Variants in HMCN1 observed in about 807,000 individuals in gnomAD.
HMCN1 encodes hemicentin-1.
Under a neutral mutation model 625.9 loss-of-function variants are expected in HMCN1, and 321 were observed. The observed-to-expected ratio is 0.51, with a 90% confidence interval of 0.47 to 0.56. The LOEUF is 0.56. HMCN1 is among the 20% of genes least tolerant of loss of function. The pLI is 0.00. For synonymous variants in HMCN1, 2,425 were observed against 2,417.6 expected (o/e 1.00, Z -0.09); for missense variants, 6,588 against 6,887.3 (o/e 0.96, Z 1.54).
intron 50 of HMCN1, 66 bp from the exon 51 acceptor site, chr1:186,069,597 A>G: frequency 1.0e-6 from 1 of 954,522 alleles, no homozygotes; most frequent in Admixed American, 1.9e-5. Context: ...TAAACCCCTG[A>G]TAGCCTGTGT....
intron 73 of HMCN1, 66 bp from the exon 74 acceptor site, chr1:186,114,753 T>C (rs1417572008): frequency 1.3e-6 from 2 of 1,577,070 alleles, no homozygotes; most frequent in Non-Finnish European, 1.7e-6. Context: ...AACATTTCCC[T>C]CAGTCAAAAT....
chr1:186,054,178 C>T (rs977007054), intron 44 of HMCN1, among the ~76,000 whole-genome samples, 192 bp downstream of exon 44: 1 of 151,964 alleles, frequency 6.6e-6, no homozygotes, highest in African/African-American at 2.4e-5. Flanking sequence ...TTCGGCATTA[C>T]AGCTGTCCAC....
At chr1:185,965,509 ACT>A (rs780709146) in intron 13 of HMCN1, among the ~76,000 whole-genome samples, 33 of 151,346 alleles carry the variant, frequency 2.2e-4, no homozygotes, top group Non-Finnish European at 3.7e-4. Flanking sequence ...TCCTTGTATA[ACT>A]CTTTTTCATA....
chr1:185,994,721 C>T lies in HMCN1; in HGVS notation c.3506-94C>T, dbSNP rs74134270. On this transcript the variant is annotated intron_variant, in intron 23 of 106. Transcript: ENST00000271588. ...AAATTCTGAAATTATTTCACTTTTC[C>T]ATGGCTGCCTGTTGATAAGGAGCTC... 4.7e-3 allele frequency: 5,926 copies of T among 1,254,298 alleles called. 182 individuals are homozygous for T. The African/African-American group carries it at 0.076, about 16-fold the overall frequency. 77.7% of individuals were successfully genotyped at this position (1,254,298 alleles called of 1,614,324 possible).
At chr1:185,951,135 TGTGGGTTAAG>T (rs1463735566) in intron 11 of HMCN1, among the ~76,000 whole-genome samples, 7 of 151,296 alleles carry the variant, frequency 4.6e-5, no homozygotes, top group African/African-American at 1.7e-4. Flanking sequence ...ATCTTATACT[TGTGGGTTAAG>T]GTGGGGGGAT....
chr1:185,888,692 T>G (rs1351859750), intron 4 of HMCN1, among the ~76,000 whole-genome samples: 1 of 147,440 alleles, frequency 6.8e-6, no homozygotes, highest in Non-Finnish European at 1.5e-5. Flanking sequence ...ACCAGTACCA[T>G]GCTGTTTTGG....
intron 80 of HMCN1, among the ~76,000 whole-genome samples, chr1:186,120,668 G>A (rs1452064563): frequency 6.6e-6 from 1 of 152,190 alleles, no homozygotes; most frequent in Non-Finnish European, 1.5e-5. Flanking sequence ...TAGATTTCAA[G>A]CTACTAAATT....
intron 4 of HMCN1, among the ~76,000 whole-genome samples, chr1:185,869,370 A>T (rs1663465058): frequency 1.3e-5 from 2 of 152,190 alleles, no homozygotes; most frequent in Admixed American, 1.3e-4. Context: ...TAATGCACTT[A>T]AATGTTCCAC....
At chr1:185,735,706 A>G (rs1043995828) in intron 1 of HMCN1, among the ~76,000 whole-genome samples, 1 of 152,254 alleles carries the variant, frequency 6.6e-6, no homozygotes, top group African/African-American at 2.4e-5. Flanking sequence ...TTTTAAAGGT[A>G]GTTGAAGTGA....
chr1:186,037,188 T>C (rs1229044579), intron 36 of HMCN1, among the ~76,000 whole-genome samples: 1 of 152,084 alleles, frequency 6.6e-6, no homozygotes, highest in Admixed American at 6.6e-5. Context: ...AGATACTAAT[T>C]TACAACATCT....
At chr1:186,061,799 A>T (rs1464187484) in intron 46 of HMCN1, 52 bp from the exon 47 acceptor site, 1 of 1,296,816 alleles carries the variant, frequency 7.7e-7, no homozygotes, top group African/African-American at 1.5e-5. Flanking sequence ...ATGGCTTATA[A>T]AGTTTCATTT....
intron 4 of HMCN1, among the ~76,000 whole-genome samples, chr1:185,901,337 T>C (rs1665794639): frequency 6.6e-6 from 1 of 151,742 alleles, no homozygotes; most frequent in South Asian, 2.1e-4. Flanking sequence ...TTTCCTTCTT[T>C]TTTCTTTCTT....
At position 186,000,126 on chromosome 1, in the gene HMCN1, A is replaced by T; in HGVS notation, c.3956A>T (p.Asp1319Val). 6.2e-7 allele frequency: 1 copy of T among 1,613,118 alleles called. No individual in the cohort carries two copies. The highest frequency in any genetic ancestry group is 1.3e-5 in the African/African-American group (1 of 75,002). The change falls in exon 26 of 107, where the codon GAT (aspartate) becomes GTT (valine). Residue 1319 changes from aspartate (D) to valine (V), a missense_variant. Asp to Val is a radical substitution (Grantham distance 152). Around this residue, in one of 3 missense-constraint regions of HMCN1, gnomAD observed 4,628 missense variants for 4,853.1 expected, o/e 0.95. Transcript: ENST00000271588. ...GREPGISILE[D>V]GTLLVIASVT... ...GAGCCTGGCATTTCTATCTTGGAAG[A>T]TGGCACATTGCTGGTTATTGCTTCT...
intron 42 of HMCN1, among the ~76,000 whole-genome samples, chr1:186,051,700 G>T (rs893604220): frequency 1.3e-5 from 2 of 151,990 alleles, no homozygotes; most frequent in African/African-American, 4.8e-5. Flanking sequence ...AAGGCAAAAG[G>T]TATAAGGTAG....
At chr1:186,189,483 T>C in intron 106 of HMCN1, 29 bp from the exon 107 acceptor site, 2 of 1,611,030 alleles carry the variant, frequency 1.2e-6, no homozygotes, top group African/African-American at 2.7e-5. Context: ...CAGATAACTA[T>C]GTGTATTTGA....
chr1:186,096,973 G>A (rs1048851438), intron 68 of HMCN1, among the ~76,000 whole-genome samples: 5 of 152,080 alleles, frequency 3.3e-5, no homozygotes, highest in African/African-American at 9.7e-5. Flanking sequence ...TTCCTACAAG[G>A]TCTAGCAGAA....
chr1:185,884,490 G>T (rs1664512576), intron 4 of HMCN1, among the ~76,000 whole-genome samples: 1 of 151,940 alleles, frequency 6.6e-6, no homozygotes, highest in African/African-American at 2.4e-5. Context: ...TTTCCAGGCT[G>T]GAAATTGCCT....
chr1:185,914,400 A>G (rs1357525537), intron 6 of HMCN1, among the ~76,000 whole-genome samples: 2 of 152,078 alleles, frequency 1.3e-5, no homozygotes, highest in Admixed American at 1.3e-4. Flanking sequence ...TGAAATTAAT[A>G]TTGGCTTTTT....
intron 35 of HMCN1, among the ~76,000 whole-genome samples, chr1:186,020,265 A>AGATAGATAGATAGATG (rs1355585637): frequency 6.6e-6 from 1 of 151,732 alleles, no homozygotes; most frequent in Admixed American, 6.7e-5. Flanking sequence ...ATAGATAGAT[A>AGATAGATAGATAGATG]GATGATAGAT....
Sources: allele counts gnomAD v4.1 joint callset (sites outside exome capture counted in the v4.1 genomes callset), GRCh38; gene constraint gnomAD v4.1.1; regional missense constraint gnomAD v4.1.1; transcripts MANE v1.5; gene names NCBI Gene and HGNC (gene_info 2026-07-23, HGNC 2026-07-21).